Variants in LRRC49 observed in about 807,000 individuals in gnomAD.
The protein encoded by LRRC49 is leucine rich repeat containing 49.
LRRC49 carries 50 observed loss-of-function variants against 83.3 expected under a neutral mutation model. The observed-to-expected ratio is 0.60, with a 90% CI of 0.48 to 0.76. LRRC49 has a LOEUF of 0.76. LRRC49 is among the 30% of genes least tolerant of loss of function. The pLI is 0.00. For synonymous variants in LRRC49, 286 were observed against 283.3 expected (o/e 1.01, Z -0.10); for missense variants, 704 against 809.1 (o/e 0.87, Z 1.58).
chr15:70,937,432 G>C (rs978150270), intron 8 of LRRC49, among the ~76,000 whole-genome samples: 1 of 152,132 alleles, frequency 6.6e-6, no homozygotes, highest in Non-Finnish European at 1.5e-5. Flanking sequence ...ATGCAAAAGG[G>C]CCCCTACTTT....
At chr15:70,975,819 C>T (rs949726482) in intron 9 of LRRC49, among the ~76,000 whole-genome samples, 2 of 152,032 alleles carry the variant, frequency 1.3e-5, no homozygotes, top group Non-Finnish European at 2.9e-5. Flanking sequence ...GAGCTCATCT[C>T]ATGTGTACGT....
chr15:70,958,980 A>G (rs988250298), intron 8 of LRRC49, among the ~76,000 whole-genome samples: 59 of 152,150 alleles, frequency 3.9e-4, no homozygotes, highest in Non-Finnish European at 1.5e-4. Flanking sequence ...TGAATATTCT[A>G]TATCATCTAG....
intron 14 of LRRC49, among the ~76,000 whole-genome samples, chr15:71,016,325 A>C (rs1378864741): frequency 6.6e-6 from 1 of 152,140 alleles, no homozygotes; most frequent in Non-Finnish European, 1.5e-5. Flanking sequence ...TGAATTTGAT[A>C]ATAAGAATAC....
At chr15:70,880,216 C>A (rs2033235026) in intron 2 of LRRC49, among the ~76,000 whole-genome samples, 1 of 152,148 alleles carries the variant, frequency 6.6e-6, no homozygotes, top group Admixed American at 6.6e-5. Context: ...TCTGATTACC[C>A]TATCTAAAAC....
intron 5 of LRRC49, among the ~76,000 whole-genome samples, chr15:70,905,922 A>T (rs1262367617): frequency 6.6e-6 from 1 of 152,134 alleles, no homozygotes; most frequent in Non-Finnish European, 1.5e-5. Context: ...TCTGGAAAAT[A>T]GATCAGAGAA....
At position 70,984,480 on chromosome 15, in the gene LRRC49, T is replaced by A. The variant is rs538697407; in HGVS notation, c.1169+223T>A. The stretch of plus-strand genomic sequence containing the variant: ...ATTTCATATTTTTTATAGGGAAAAG[T>A]CTAGATTTCTTAATATAGTCTATGA... On this transcript the variant is annotated intron_variant, in intron 11 of 15. Transcript: ENST00000260382. 13 of 393,684 alleles carry A rather than the reference T, an allele frequency of 3.3e-5. No individual in the cohort carries two copies. The South Asian group carries it at 5.9e-4, about 18-fold the overall frequency. The allele number at this position is 393,684 out of a possible 1,614,324, so 24.4% of individuals were successfully genotyped here.
intron 8 of LRRC49, 122 bp from the exon 9 acceptor site, chr15:70,963,663 C>A: frequency 9.3e-7 from 1 of 1,079,194 alleles, no homozygotes; most frequent in Non-Finnish European, 1.3e-6. Flanking sequence ...TATAGGGGAA[C>A]TCTGTACTAT....
intron 13 of LRRC49, among the ~76,000 whole-genome samples, 159 bp downstream of exon 13, chr15:71,010,151 AT>A (rs2060553643): frequency 6.6e-6 from 1 of 152,038 alleles, no homozygotes; most frequent in African/African-American, 2.4e-5. Flanking sequence ...CTAAGAATCT[AT>A]TTTAAAACTT....
intron 11 of LRRC49, among the ~76,000 whole-genome samples, chr15:70,989,061 T>C (rs963694546): frequency 2.6e-4 from 40 of 152,164 alleles, no homozygotes; most frequent in Non-Finnish European, 4.9e-4. Context: ...TCTCTGGCTG[T>C]GCTTAACATT....
intron 14 of LRRC49, among the ~76,000 whole-genome samples, chr15:71,026,307 A>G (rs1240224526): frequency 6.6e-6 from 1 of 152,102 alleles, no homozygotes; most frequent in African/African-American, 2.4e-5. Context: ...TTTTTTATTC[A>G]GTCTATCACT....
At chr15:70,895,061 A>G (rs933760041) in intron 2 of LRRC49, among the ~76,000 whole-genome samples, 7 of 152,144 alleles carry the variant, frequency 4.6e-5, no homozygotes, top group Non-Finnish European at 1.5e-5. Context: ...TTGTGTGGAC[A>G]TCTATTCTGA....
chr15:71,002,257 T>C, intron 11 of LRRC49, among the ~76,000 whole-genome samples: 1 of 152,142 alleles, frequency 6.6e-6, no homozygotes, highest in East Asian at 1.9e-4. Flanking sequence ...TAGTATTTCA[T>C]AATGCCAAAA....
chr15:70,879,608 A>G (rs2033221402), intron 2 of LRRC49, among the ~76,000 whole-genome samples: 1 of 152,144 alleles, frequency 6.6e-6, no homozygotes, highest in South Asian at 2.1e-4. Context: ...GGCATAGCTC[A>G]TGATTAGTCA....
intron 1 of LRRC49, among the ~76,000 whole-genome samples, chr15:70,857,680 C>T (rs572103952): frequency 5.3e-5 from 8 of 152,234 alleles, no homozygotes; most frequent in African/African-American, 1.2e-4. Flanking sequence ...AGACAGCCTT[C>T]AATAATAAGA....
chr15:70,944,527 C>T (rs547885818), intron 8 of LRRC49, among the ~76,000 whole-genome samples: 10 of 152,264 alleles, frequency 6.6e-5, no homozygotes, highest in African/African-American at 1.9e-4. Flanking sequence ...GCCTCAGCCT[C>T]CCGAGTAGCT....
intron 1 of LRRC49, chr15:70,854,039 T>C (rs1248941223): frequency 1.4e-6 from 2 of 1,441,060 alleles, no homozygotes; most frequent in Admixed American, 2.5e-5. Flanking sequence ...GACGCGGATC[T>C]GCACCGCCGT....
intron 9 of LRRC49, among the ~76,000 whole-genome samples, chr15:70,971,797 C>CTTTTTTTTT (rs56230666): frequency 2.4e-5 from 2 of 82,268 alleles, no homozygotes; most frequent in African/African-American, 4.9e-5. Context: ...GTAACCACTC[C>CTTTTTTTTT]TTTTTTTTTT....
intron 1 of LRRC49, among the ~76,000 whole-genome samples, chr15:70,871,098 C>T (rs1263822234): frequency 1.3e-5 from 2 of 151,874 alleles, no homozygotes; most frequent in South Asian, 4.2e-4. Context: ...GAGGACCCTG[C>T]GGCCTTCCGC....
intron 8 of LRRC49, among the ~76,000 whole-genome samples, chr15:70,944,406 C>T (rs1209075645): frequency 1.7e-4 from 26 of 151,470 alleles, no homozygotes; most frequent in Non-Finnish European, 3.8e-4. Flanking sequence ...CCATATTGCT[C>T]TTTTTTTTTC....
Sources: gnomAD v4.1 joint callset for allele counts (sites outside exome capture counted in the v4.1 genomes callset) on GRCh38, gnomAD v4.1.1 for gene constraint, MANE v1.5 for transcripts, NCBI Gene and HGNC (gene_info 2026-07-23, HGNC 2026-07-21) for gene names.